USP8: variants seen among roughly 807,000 people sequenced by gnomAD.
USP8 encodes ubiquitin specific peptidase 8.
USP8 carries 27 observed loss-of-function variants against 130.0 expected under a neutral mutation model. The observed-to-expected ratio is 0.21, with a 90% CI of 0.15 to 0.29. The LOEUF (loss-of-function observed/expected upper bound fraction) is 0.29, where lower values mean the gene tolerates loss of function less well. Ranked by LOEUF, USP8 falls within the 10% of genes least tolerant of loss-of-function variation. USP8 has a pLI of 1.00. For missense variants in USP8, 1,029 were observed against 1,312.2 expected, an observed-to-expected ratio of 0.78 and a Z score of 3.33; for synonymous variants, 392 against 444.1, an observed-to-expected ratio of 0.88 and a Z score of 1.48.
intron 3 of USP8, among the ~76,000 whole-genome samples, chr15:50,444,793 G>A (rs1389388227): frequency 6.6e-6 from 1 of 152,090 alleles, no homozygotes; most frequent in East Asian, 1.9e-4. Context: ...TCTCACTTCC[G>A]TCACCCAGGT....
chr15:50,456,640 C>A (rs2050801629), intron 4 of USP8, among the ~76,000 whole-genome samples: 1 of 151,876 alleles, frequency 6.6e-6, no homozygotes, highest in Admixed American at 6.6e-5. Context: ...AATCCCAGCA[C>A]TTTGGGAGGC....
At chr15:50,433,934 C>T (rs1347064393) in intron 1 of USP8, among the ~76,000 whole-genome samples, 3 of 152,210 alleles carry the variant, frequency 2.0e-5, no homozygotes, top group African/African-American at 7.2e-5. Flanking sequence ...TCATTTTCAA[C>T]ACTTTTGGGT....
intron 1 of USP8, among the ~76,000 whole-genome samples, chr15:50,433,936 C>T (rs1303822104): frequency 6.6e-6 from 1 of 152,100 alleles, no homozygotes; most frequent in Non-Finnish European, 1.5e-5. Context: ...ATTTTCAACA[C>T]TTTTGGGTTT....
chr15:50,447,085 TATTGA>T (rs1409308420), intron 3 of USP8, among the ~76,000 whole-genome samples: 1 of 152,232 alleles, frequency 6.6e-6, no homozygotes, highest in African/African-American at 2.4e-5. Context: ...AGCACTGGTA[TATTGA>T]ATTAGAGCTC....
Position 50,511,090 on chromosome 15 carries a change from T to C in USP8, c.*12002T>C, listed in dbSNP as rs1256181895. On this transcript the variant is annotated 3_prime_UTR_variant, in exon 20 of 20. Transcript: ENST00000307179. ...ACCGTGCCCGGCCGATGTACACCAA[T>C]GTTCTCTGTACAATTCTTTCAGATT... 2 of 152,228 alleles carry C rather than the reference T, an allele frequency of 1.3e-5. No homozygotes were observed. Among genetic ancestry groups the C allele is most frequent in the African/African-American group, 2.4e-5 (1 of 41,456 alleles). The allele number at this position is 152,228 out of a possible 1,614,324, so 9.4% of individuals were successfully genotyped here.
At chr15:50,445,442 A>T (rs191440856) in intron 3 of USP8, among the ~76,000 whole-genome samples, 72 of 146,216 alleles carry the variant, frequency 4.9e-4, no homozygotes, top group African/African-American at 1.8e-3. Context: ...GCTACTCGGG[A>T]GGCTGAGGCA....
chr15:50,497,579 A>T (rs543027729), intron 18 of USP8: 9 of 163,218 alleles, frequency 5.5e-5, no homozygotes, highest in African/African-American at 2.1e-4. Flanking sequence ...AGACTTAGTT[A>T]TGTGTTAAAT....
intron 1 of USP8, 101 bp downstream of exon 1, chr15:50,424,615 C>T (rs1228757802): frequency 5.0e-6 from 2 of 397,326 alleles, no homozygotes; most frequent in Non-Finnish European, 8.9e-6. Context: ...ACCCCGGAGA[C>T]AAGCTCTGTC....
chr15:50,488,552 C>CTTT lies in USP8; in HGVS notation c.1891-1222_1891-1220dup, dbSNP rs397853938. ...GTGCATGCCATCACATCAAGGTTGG[C>CTTT]TTTTTTTTTTTTTTTTTTTTTTTTT... On this transcript the variant is annotated intron_variant, in intron 12 of 19. Coordinates refer to ENST00000307179, the MANE Select transcript of USP8 (RefSeq NM_005154.5). Among the ~76,000 whole-genome samples, 136 of 70,940 alleles carry CTTT rather than the reference C, an allele frequency of 1.9e-3. 10 individuals carry two copies. The highest frequency in any genetic ancestry group is 6.7e-3 in the African/African-American group (115 of 17,230). 46.5% of individuals were successfully genotyped at this position (70,940 alleles called of 152,430 possible). A position where few individuals can be genotyped will look rare whatever the true frequency, so the allele number is the denominator to read the frequency against.
chr15:50,477,069 T>C (rs1172247446), intron 9 of USP8, 76 bp downstream of exon 9: 12 of 1,552,212 alleles, frequency 7.7e-6, no homozygotes, highest in Non-Finnish European at 1.0e-5. Context: ...GTAACATTCT[T>C]GGTTGTGTGT....
rs565076987 is a variant in USP8, at chr15:50,457,403, C to G, written c.336-1597C>G. ...TGAAACCCCACCTCTACTAAAAATA[C>G]AAAAATTAGGTGGGTATGGTGGCAC... On this transcript the variant is annotated intron_variant, in intron 4 of 19. Transcript: ENST00000307179. Among the ~76,000 whole-genome samples the G allele has an allele frequency of 9.0e-4, 136 of 151,406 alleles. 1 individual carries two copies. Among genetic ancestry groups the G allele is most frequent in the Non-Finnish European group, 1.5e-3 (104 of 67,846 alleles).
intron 3 of USP8, among the ~76,000 whole-genome samples, chr15:50,445,570 G>A (rs1446335332): frequency 0.088 from 1,539 of 17,400 alleles, no homozygotes; most frequent in Non-Finnish European, 0.13. Flanking sequence ...AAAAAAAAAA[G>A]CCTGGGCACA....
rs35523535 is a variant in USP8, at chr15:50,513,518, TAAAAAAAAA to T, written c.*14442_*14450del. Reference sequence around the variant, plus strand: ...AGTTCGAGACAAGAGCGAAACTGTCTAAAAAAAAAAAAAAAAAAAAGAGTGAAGAATCAA... The same window carrying T: ...AGTTCGAGACAAGAGCGAAACTGTCTAAAAAAAAAAAGAGTGAAGAATCAA... On this transcript the variant is annotated 3_prime_UTR_variant, in exon 20 of 20. Transcript: ENST00000307179. 1.2e-5 allele frequency: 1 copy of T among 85,980 alleles called. No homozygotes were observed. Among genetic ancestry groups the T allele is most frequent in the African/African-American group, 4.5e-5 (1 of 22,282 alleles). The allele number at this position is 85,980 out of a possible 1,614,324, so 5.3% of individuals were successfully genotyped here.
chr15:50,447,059 GA>G (rs1351282184), intron 3 of USP8, among the ~76,000 whole-genome samples: 2 of 152,196 alleles, frequency 1.3e-5, no homozygotes, highest in Non-Finnish European at 2.9e-5. Flanking sequence ...AAAGTGTTTA[GA>G]ATGATAGATT....
At chr15:50,485,376 G>A (rs952445707) in intron 12 of USP8, among the ~76,000 whole-genome samples, 9 of 151,376 alleles carry the variant, frequency 5.9e-5, no homozygotes, top group Admixed American at 2.0e-4. Context: ...CATGAACCAG[G>A]GAGGCGGAGC....
At chr15:50,455,841 G>A (rs999756628) in intron 4 of USP8, among the ~76,000 whole-genome samples, 1 of 152,138 alleles carries the variant, frequency 6.6e-6, no homozygotes, top group Non-Finnish European at 1.5e-5. Flanking sequence ...GGTGTCAGGT[G>A]GCAATTTGGG....
At chr15:50,441,587 A>G in intron 3 of USP8, 94 bp downstream of exon 3, 1 of 1,073,610 alleles carries the variant, frequency 9.3e-7, no homozygotes, top group Admixed American at 2.8e-5. Flanking sequence ...AATGAAATGT[A>G]GCTCAAATTA....
intron 7 of USP8, among the ~76,000 whole-genome samples, chr15:50,466,543 C>G (rs561746939): frequency 6.7e-6 from 1 of 150,184 alleles, no homozygotes; most frequent in Admixed American, 6.7e-5. Context: ...TGCAGTGAGC[C>G]GAGATCACGG....
In USP8 at chr15:50,507,467, G is replaced by A. The variant is rs3131611; in HGVS notation, c.*8379G>A. 3.3e-4 allele frequency: 51 copies of A among 152,268 alleles called. No individual in the cohort carries two copies. The highest frequency in any genetic ancestry group is 9.4e-4 in the African/African-American group (39 of 41,550). The allele number at this position is 152,268 out of a possible 1,614,324, so 9.4% of individuals were successfully genotyped here. A position where few individuals can be genotyped will look rare whatever the true frequency, so the allele number is the denominator to read the frequency against. ...AGGTAGATATGACCAAGAGAAAGCT[G>A]AAGTAGCTATACATCAGCTAAAATG... On this transcript the variant is annotated 3_prime_UTR_variant, in exon 20 of 20. Transcript: ENST00000307179.
Sources: allele counts gnomAD v4.1 joint callset (sites outside exome capture counted in the v4.1 genomes callset), GRCh38; gene constraint gnomAD v4.1.1; transcripts MANE v1.5; gene names NCBI Gene and HGNC (gene_info 2026-07-23, HGNC 2026-07-21).